OXR1: variants seen among roughly 807,000 people sequenced by gnomAD.
OXR1 encodes oxidation resistance 1.
A neutral mutation model predicts 104.6 loss-of-function variants in OXR1; 41 were observed. That is an observed-to-expected ratio of 0.39 (90% CI 0.31 to 0.51). The LOEUF (loss-of-function observed/expected upper bound fraction) is 0.51. OXR1 is among the 20% of genes least tolerant of loss of function. OXR1 has a pLI of 0.77. For missense variants in OXR1, 955 were observed against 1,031.9 expected (o/e 0.93, Z 1.02); for synonymous variants, 348 against 348.4 (o/e 1.00, Z 0.01).
chr8:106,654,734 A>G (rs1824908022), intron 3 of OXR1, among the ~76,000 whole-genome samples: 1 of 152,180 alleles, frequency 6.6e-6, no homozygotes, highest in Non-Finnish European at 1.5e-5. Flanking sequence ...AAAAATATTG[A>G]TAAATTTGGA....
At chr8:106,619,037 A>C (rs1381210165) in intron 3 of OXR1, among the ~76,000 whole-genome samples, 1 of 152,142 alleles carries the variant, frequency 6.6e-6, no homozygotes, top group Non-Finnish European at 1.5e-5. Flanking sequence ...CAGCAGATGG[A>C]ATTCATTATT....
chr8:106,627,227 A>G (rs1822246936), intron 3 of OXR1, among the ~76,000 whole-genome samples: 1 of 152,170 alleles, frequency 6.6e-6, no homozygotes, highest in Non-Finnish European at 1.5e-5. Flanking sequence ...ATAAGAGAAC[A>G]TTCCTTCCAA....
intron 3 of OXR1, among the ~76,000 whole-genome samples, chr8:106,674,450 T>A (rs1827359840): frequency 6.6e-6 from 1 of 152,214 alleles, no homozygotes; most frequent in Non-Finnish European, 1.5e-5. Flanking sequence ...CTTTTGATTT[T>A]ACAGGCTTAT....
rs569858238 is a variant in OXR1, at chr8:106,669,367, AAAG to A, written c.221-9839_221-9837del. ...TTTCTACTTTCAAAAATTCAACTGA[AAAG>A]AAGCAGAAAGATGGAGTAGTATCTA... On this transcript the variant is annotated intron_variant, in intron 3 of 16. Transcript: ENST00000517566. Among the ~76,000 whole-genome samples the A allele has an allele frequency of 2.2e-3, 330 of 152,320 alleles. 1 individual carries two copies. The highest frequency in any genetic ancestry group is 7.5e-3 in the African/African-American group (312 of 41,582).
In OXR1 at chr8:106,608,229, G is replaced by A. The variant is rs143515901; in HGVS notation, c.221-70981G>A. Among the ~76,000 whole-genome samples the A allele has an allele frequency of 1.9e-3, 285 of 152,274 alleles. 2 individuals carry two copies. Among genetic ancestry groups the A allele is most frequent in the African/African-American group, 6.5e-3 (269 of 41,552 alleles). On this transcript the variant is annotated intron_variant, in intron 3 of 16. Coordinates refer to ENST00000517566, the MANE Select transcript of OXR1 (RefSeq NM_001198533.2). ...CATTTGAGCCCAGGAGGTCAAGGCT[G>A]CAGTGAGCTATGATTGCATCACTAG... is the stretch of plus-strand genomic sequence containing the variant.
At chr8:106,288,031 G>A (rs1812570769) in intron 1 of OXR1, among the ~76,000 whole-genome samples, 1 of 152,192 alleles carries the variant, frequency 6.6e-6, no homozygotes, top group Non-Finnish European at 1.5e-5. Context: ...CTACCAAAAG[G>A]AGTGAGGTAT....
intron 1 of OXR1, among the ~76,000 whole-genome samples, chr8:106,312,028 T>C (rs949815699): frequency 2.0e-5 from 3 of 152,062 alleles, no homozygotes; most frequent in African/African-American, 4.8e-5. Context: ...CAGACCTTTT[T>C]TTCACTTGTG....
intron 3 of OXR1, among the ~76,000 whole-genome samples, chr8:106,566,925 T>C (rs1440251431): frequency 6.6e-6 from 1 of 151,766 alleles, no homozygotes; most frequent in East Asian, 1.9e-4. Context: ...TGAAAACATA[T>C]GGGCACAGGG....
At chr8:106,574,719 A>G (rs978068915) in intron 3 of OXR1, among the ~76,000 whole-genome samples, 1 of 152,244 alleles carries the variant, frequency 6.6e-6, no homozygotes, top group Non-Finnish European at 1.5e-5. Flanking sequence ...AGGTTGTCCA[A>G]ATAGAAATAA....
intron 2 of OXR1, among the ~76,000 whole-genome samples, chr8:106,487,073 G>A (rs997188097): frequency 6.7e-6 from 1 of 149,224 alleles, no homozygotes; most frequent in African/African-American, 2.5e-5. Context: ...ACCCAGGCTG[G>A]AGAGCAGTGG....
intron 3 of OXR1, among the ~76,000 whole-genome samples, chr8:106,613,513 C>T (rs1043827374): frequency 1.3e-5 from 2 of 152,244 alleles, no homozygotes; most frequent in Non-Finnish European, 2.9e-5. Context: ...AGTCTCCTAC[C>T]TCATTCTCCC....
At chr8:106,345,354 C>G (rs897518606) in intron 1 of OXR1, among the ~76,000 whole-genome samples, 2 of 152,194 alleles carry the variant, frequency 1.3e-5, no homozygotes, top group African/African-American at 4.8e-5. Flanking sequence ...GCTTCTCACT[C>G]TAAGATTCTA....
intron 3 of OXR1, among the ~76,000 whole-genome samples, chr8:106,569,019 T>A (rs1817276871): frequency 1.3e-5 from 2 of 152,180 alleles, no homozygotes; most frequent in Admixed American, 6.6e-5. Flanking sequence ...AGTAACATGC[T>A]GGACACAGGG....
intron 1 of OXR1, among the ~76,000 whole-genome samples, chr8:106,338,706 C>A (rs1350960789): frequency 6.6e-6 from 1 of 151,946 alleles, no homozygotes; most frequent in East Asian, 1.9e-4. Context: ...ATTCATGTGT[C>A]TCAAATAAAA....
chr8:106,450,880 G>A (rs1448772424), intron 2 of OXR1, among the ~76,000 whole-genome samples: 1 of 151,874 alleles, frequency 6.6e-6, no homozygotes, highest in Non-Finnish European at 1.5e-5. Flanking sequence ...AGCTTATCTA[G>A]TCATTCCCCT....
intron 3 of OXR1, among the ~76,000 whole-genome samples, chr8:106,594,603 C>G (rs1819369167): frequency 1.3e-5 from 2 of 152,108 alleles, no homozygotes; most frequent in Admixed American, 6.5e-5. Flanking sequence ...AGTACATAAT[C>G]TCTTCTCAGA....
chr8:106,376,984 A>G (rs1160714719), intron 2 of OXR1, among the ~76,000 whole-genome samples: 4 of 152,142 alleles, frequency 2.6e-5, no homozygotes, highest in Admixed American at 6.6e-5. Context: ...CCAGAACTGT[A>G]TATGCTATGT....
chr8:106,542,609 AT>A lies in OXR1; in HGVS notation c.220+23479del, dbSNP rs950107200. The stretch of plus-strand genomic sequence containing the variant: ...AATTTCCAGTACGGGTTAGGCACCT[AT>A]TTTTTTTTCTTTTTTAATTTCCATT... On this transcript the variant is annotated intron_variant, in intron 3 of 16. Coordinates refer to ENST00000517566, the MANE Select transcript of OXR1 (RefSeq NM_001198533.2). Among the ~76,000 whole-genome samples the A allele has an allele frequency of 5.3e-5, 8 of 151,282 alleles. No individual in the cohort carries two copies. In the East Asian group the frequency reaches 5.8e-4, roughly 11 times the overall value.
At chr8:106,452,363 A>C (rs963056350) in intron 2 of OXR1, among the ~76,000 whole-genome samples, 1 of 152,186 alleles carries the variant, frequency 6.6e-6, no homozygotes, top group African/African-American at 2.4e-5. Context: ...GTTTGTTAAA[A>C]TAACCATTAA....
Sources: allele counts gnomAD v4.1 joint callset (sites outside exome capture counted in the v4.1 genomes callset), GRCh38; gene constraint gnomAD v4.1.1; transcripts MANE v1.5; gene names NCBI Gene and HGNC (gene_info 2026-07-23, HGNC 2026-07-21).